HTR4: variants seen among roughly 807,000 people sequenced by gnomAD.
HTR4 encodes 5-hydroxytryptamine receptor 4.
In HTR4, 16 loss-of-function variants were observed where a neutral mutation model predicts 36.8. The ratio of observed to expected loss-of-function variants is 0.43; its 90% confidence interval spans 0.29 to 0.66. The LOEUF (loss-of-function observed/expected upper bound fraction) is 0.66, where lower values mean the gene tolerates loss of function less well. Ranked by LOEUF, HTR4 falls within the 30% of genes least tolerant of loss-of-function variation. The pLI, the probability that HTR4 is intolerant of heterozygous loss-of-function variation, is 0.13. For synonymous variants in HTR4, 189 were observed against 185.1 expected (o/e 1.02, Z -0.17); for missense variants, 438 against 490.9 (o/e 0.89, Z 1.02).
At chr5:148,521,178 T>C (rs575140677) in intron 5 of HTR4, among the ~76,000 whole-genome samples, 1 of 152,346 alleles carries the variant, frequency 6.6e-6, no homozygotes, top group South Asian at 2.1e-4. Context: ...TAGATTTTGA[T>C]CTTCATTGTA....
chr5:148,581,198 AT>A (rs944893302), intron 2 of HTR4, among the ~76,000 whole-genome samples: 25 of 151,606 alleles, frequency 1.6e-4, no homozygotes, highest in African/African-American at 5.8e-4. Flanking sequence ...AGGTTATTTG[AT>A]TTTTTTGCTA....
chr5:148,455,235 C>T (rs964779474), intron 5 of HTR4, among the ~76,000 whole-genome samples: 5 of 152,098 alleles, frequency 3.3e-5, no homozygotes, highest in African/African-American at 7.2e-5. Context: ...GCATGGTGCC[C>T]GTACCCTTAA....
In HTR4 at chr5:148,602,048, A is replaced by G. The variant is rs114180440; in HGVS notation, c.26+34941T>C. ...TATACAAGGTAAGTAAGTTCTGGAAATCTACACACAGCATAGTGCCTACAG... is the reference window on the plus strand; with the variant it reads ...TATACAAGGTAAGTAAGTTCTGGAAGTCTACACACAGCATAGTGCCTACAG... On this transcript the variant is annotated intron_variant, in intron 2 of 6. Transcript: ENST00000377888. 6.2e-3 allele frequency among the ~76,000 whole-genome samples: 951 copies of G among 152,280 alleles called. 8 individuals are homozygous for G. The highest frequency in any genetic ancestry group is 0.021 in the African/African-American group (888 of 41,564).
At chr5:148,497,946 G>C (rs150812431) in intron 6 of HTR4, among the ~76,000 whole-genome samples, 209 of 152,284 alleles carry the variant, frequency 1.4e-3, no homozygotes, top group African/African-American at 4.7e-3. Flanking sequence ...TCAACCAAAT[G>C]CTGTCTTCAC....
At chr5:148,511,128 T>C (rs1757479254) in intron 5 of HTR4, among the ~76,000 whole-genome samples, 1 of 152,212 alleles carries the variant, frequency 6.6e-6, no homozygotes, top group Non-Finnish European at 1.5e-5. Context: ...AAATGAGCCA[T>C]CTACACCTTT....
chr5:148,630,768 AT>A (rs1393339359), intron 2 of HTR4, among the ~76,000 whole-genome samples: 1 of 152,110 alleles, frequency 6.6e-6, no homozygotes, highest in Non-Finnish European at 1.5e-5. Context: ...TATGTTAAGA[AT>A]TTTACCTATG....
intron 2 of HTR4, among the ~76,000 whole-genome samples, chr5:148,592,403 A>G (rs75890609): frequency 0.014 from 2,058 of 152,182 alleles, 42 homozygotes; most frequent in African/African-American, 0.048. Flanking sequence ...TTAAAAAAAG[A>G]AATTTTTTTT....
At position 148,580,498 on chromosome 5, in the gene HTR4, T is replaced by C. The variant is rs1761089543; in HGVS notation, c.27-30236A>G. Among the ~76,000 whole-genome samples, 5 of 152,176 alleles carry C rather than the reference T, an allele frequency of 3.3e-5. No homozygotes were observed. The South Asian group carries it at 1.0e-3, about 32-fold the overall frequency. On this transcript the variant is annotated intron_variant, in intron 2 of 6. Coordinates refer to ENST00000377888, the MANE Select transcript of HTR4 (RefSeq NM_000870.7). ...CTATTTTGTACAGACCTCTAGAACT[T>C]ACTCATCTTGTATAACTAACATTAT...
intron 2 of HTR4, among the ~76,000 whole-genome samples, chr5:148,625,650 T>C (rs1482445051): frequency 6.6e-6 from 1 of 152,124 alleles, no homozygotes; most frequent in Non-Finnish European, 1.5e-5. Flanking sequence ...GCATGATCTC[T>C]GCTCACTGCA....
intron 4 of HTR4, among the ~76,000 whole-genome samples, chr5:148,525,048 G>A (rs1758199850): frequency 6.6e-6 from 1 of 152,134 alleles, no homozygotes; most frequent in South Asian, 2.1e-4. Context: ...CCTGATCTGG[G>A]CCAGAGTGCA....
chr5:148,636,741 C>T (rs1399702467), intron 2 of HTR4, among the ~76,000 whole-genome samples: 2 of 152,154 alleles, frequency 1.3e-5, no homozygotes, highest in East Asian at 3.8e-4. Context: ...TATTTTCAAA[C>T]ATCATCTCCA....
intron 2 of HTR4, among the ~76,000 whole-genome samples, chr5:148,590,287 C>CTTTTT (rs779077579): frequency 0.019 from 620 of 33,390 alleles, 6 homozygotes; most frequent in Non-Finnish European, 0.024. Flanking sequence ...TTTTTCTTTT[C>CTTTTT]TTTTTTTTTT....
At chr5:148,539,400 A>G (rs1758996123) in intron 4 of HTR4, among the ~76,000 whole-genome samples, 1 of 152,222 alleles carries the variant, frequency 6.6e-6, no homozygotes, top group Non-Finnish European at 1.5e-5. Flanking sequence ...GAACCTCTAC[A>G]CAGCAAAAGA....
intron 4 of HTR4, among the ~76,000 whole-genome samples, chr5:148,538,328 C>T (rs77039937): frequency 0.012 from 1,776 of 152,164 alleles, 32 homozygotes; most frequent in African/African-American, 0.041. Context: ...TGGCACAAGA[C>T]AAGAATGCCC....
chr5:148,516,284 T>C (rs1291300383), intron 5 of HTR4, among the ~76,000 whole-genome samples: 1 of 151,154 alleles, frequency 6.6e-6, no homozygotes, highest in Non-Finnish European at 1.5e-5. Context: ...TATTTATTAG[T>C]TGCAGTATTT....
chr5:148,526,181 C>G (rs555306158), intron 4 of HTR4, among the ~76,000 whole-genome samples: 59 of 152,310 alleles, frequency 3.9e-4, no homozygotes, highest in South Asian at 1.5e-3. Flanking sequence ...TGTGTGGTAC[C>G]TGTTATGACA....
In HTR4 at chr5:148,579,221, T is replaced by C. The variant is rs114488110; in HGVS notation, c.27-28959A>G. On this transcript the variant is annotated intron_variant, in intron 2 of 6. Coordinates refer to ENST00000377888, the MANE Select transcript of HTR4 (RefSeq NM_000870.7). Reference sequence around the variant, plus strand: ...GCCAATGTTTCTTTTTTCACATTCATGCTAATAATACGTTGGTTGAGTTGC... The same window carrying C: ...GCCAATGTTTCTTTTTTCACATTCACGCTAATAATACGTTGGTTGAGTTGC... Among the ~76,000 whole-genome samples the C allele has an allele frequency of 8.4e-3, 1,274 of 152,240 alleles. 14 individuals are homozygous for C. The highest frequency in any genetic ancestry group is 0.028 in the African/African-American group (1,182 of 41,560).
intron 2 of HTR4, among the ~76,000 whole-genome samples, chr5:148,558,542 A>G (rs529629703): frequency 1.1e-3 from 170 of 152,336 alleles, no homozygotes; most frequent in Non-Finnish European, 1.9e-3. Flanking sequence ...TTGAAAGGAA[A>G]TCATCAAGAA....
chr5:148,561,455 C>T (rs1438542186), intron 2 of HTR4, among the ~76,000 whole-genome samples: 3 of 152,106 alleles, frequency 2.0e-5, no homozygotes, highest in African/African-American at 2.4e-5. Context: ...AAATGAAATG[C>T]CAAATAATAG....
Sources: gnomAD v4.1 joint callset for allele counts (sites outside exome capture counted in the v4.1 genomes callset) on GRCh38, gnomAD v4.1.1 for gene constraint, MANE v1.5 for transcripts, NCBI Gene and HGNC (gene_info 2026-07-23, HGNC 2026-07-21) for gene names.